CMIP: variants seen among roughly 807,000 people sequenced by gnomAD.
The protein encoded by CMIP is C-Maf-inducing protein.
In CMIP, 13 loss-of-function variants were observed where a neutral mutation model predicts 97.3. That is an observed-to-expected ratio of 0.13 (90% CI 0.09 to 0.21). The LOEUF is 0.21. Ranked by LOEUF, CMIP falls within the 10% of genes least tolerant of loss-of-function variation. The pLI, the probability that CMIP is intolerant of heterozygous loss-of-function variation, is 1.00. For missense variants in CMIP, 847 were observed against 1,024.9 expected, an observed-to-expected ratio of 0.83 and a Z score of 2.37; for synonymous variants, 538 against 436.3, an observed-to-expected ratio of 1.23 and a Z score of -2.91.
chr16:81,667,795 A>AGTGTGTGTGT (rs1201342935), intron 7 of CMIP, among the ~76,000 whole-genome samples: 9 of 68,090 alleles, frequency 1.3e-4, no homozygotes, highest in Admixed American at 3.1e-4. Flanking sequence ...AGAGAGAGAG[A>AGTGTGTGTGT]GAGAGTGTGT....
At chr16:81,600,975 C>T (rs903078951) in intron 1 of CMIP, among the ~76,000 whole-genome samples, 1 of 152,154 alleles carries the variant, frequency 6.6e-6, no homozygotes. Flanking sequence ...TCCTTCCTTA[C>T]AGTGGGGTGG....
chr16:81,456,351 A>G (rs1043880090), intron 1 of CMIP, among the ~76,000 whole-genome samples: 6 of 152,180 alleles, frequency 3.9e-5, no homozygotes, highest in Admixed American at 6.5e-5. Context: ...TGGAGACCTC[A>G]AGAGTTCAAG....
At chr16:81,661,519 C>T (rs887120596) in intron 6 of CMIP, among the ~76,000 whole-genome samples, 11 of 152,294 alleles carry the variant, frequency 7.2e-5, no homozygotes, top group Admixed American at 2.6e-4. Flanking sequence ...AATTTTATGT[C>T]CTTGGAGAGA....
rs67286788 is a variant in CMIP, at chr16:81,540,643, AGTGTGTGTGTGT to A, written c.301-66893_301-66882del. Among the ~76,000 whole-genome samples the A allele has an allele frequency of 8.2e-4, 117 of 141,978 alleles. 1 individual carries two copies. The highest frequency in any genetic ancestry group is 4.5e-3 in the South Asian group (19 of 4,260). 93.1% of individuals were successfully genotyped at this position (141,978 alleles called of 152,430 possible). A position where few individuals can be genotyped will look rare whatever the true frequency, so the allele number is the denominator to read the frequency against. On this transcript the variant is annotated intron_variant, in intron 1 of 20. Coordinates refer to ENST00000537098, the MANE Select transcript of CMIP (RefSeq NM_198390.3). ...AGCCAGTTAAATGTGTCTTGTTTTG[AGTGTGTGTGTGT>A]GTGTGTGTGTGTGTGTGTGTGTGTG...
intron 1 of CMIP, among the ~76,000 whole-genome samples, chr16:81,573,492 C>G (rs893907438): frequency 1.3e-5 from 2 of 152,178 alleles, no homozygotes; most frequent in African/African-American, 4.8e-5. Flanking sequence ...GAGAGGAATT[C>G]CACCTTTGGC....
At chr16:81,555,649 C>G (rs757296497) in intron 1 of CMIP, among the ~76,000 whole-genome samples, 3 of 152,168 alleles carry the variant, frequency 2.0e-5, no homozygotes, top group Non-Finnish European at 4.4e-5. Flanking sequence ...AGTGATGTGA[C>G]CAAGTCTGTG....
intron 1 of CMIP, among the ~76,000 whole-genome samples, chr16:81,482,859 G>T (rs2089248080): frequency 6.6e-6 from 1 of 152,248 alleles, no homozygotes; most frequent in Non-Finnish European, 1.5e-5. Context: ...GGTCAGCCCT[G>T]GGGTCAGCGA....
chr16:81,704,119 CCCT>C, intron 18 of CMIP, 34 bp downstream of exon 18: 1 of 1,582,222 alleles, frequency 6.3e-7, no homozygotes, highest in Non-Finnish European at 8.6e-7. Flanking sequence ...GTCCCCCACA[CCCT>C]CCTCCTTCAC....
intron 2 of CMIP, 111 bp from the exon 3 acceptor site, chr16:81,620,765 G>A (rs2091981708): frequency 1.6e-6 from 2 of 1,279,528 alleles, no homozygotes; most frequent in Non-Finnish European, 2.2e-6. Flanking sequence ...AGGGTCACAG[G>A]GCAGACGCTG....
chr16:81,655,842 C>T lies in CMIP; in HGVS notation c.640-1933C>T, dbSNP rs1212214241. ...GTCACTGCATCCCGTCAGTCTTAGGCAGCTGATCAGTCAATGGGATAGTAG... is the reference window on the plus strand; with the variant it reads ...GTCACTGCATCCCGTCAGTCTTAGGTAGCTGATCAGTCAATGGGATAGTAG... On this transcript the variant is annotated intron_variant, in intron 4 of 20. Coordinates refer to ENST00000537098, the MANE Select transcript of CMIP (RefSeq NM_198390.3). The surrounding 1 kb of genome is among the most constrained non-coding windows in gnomAD (Gnocchi z 4.9). 6.6e-6 allele frequency among the ~76,000 whole-genome samples: 1 copy of T among 152,120 alleles called. No homozygotes were observed. The highest frequency in any genetic ancestry group is 6.5e-5 in the Admixed American group (1 of 15,278).
chr16:81,557,254 G>A (rs35053137), intron 1 of CMIP, among the ~76,000 whole-genome samples: 4,531 of 152,284 alleles, frequency 0.03, 95 homozygotes, highest in Middle Eastern at 0.068. Context: ...GAAGGCCAAG[G>A]CCATGTCAAT....
intron 5 of CMIP, among the ~76,000 whole-genome samples, chr16:81,660,171 TTCAAGTTCAGAA>T (rs1331655222): frequency 6.6e-6 from 1 of 152,174 alleles, no homozygotes; most frequent in East Asian, 1.9e-4. Context: ...TGAATCTAGG[TTCAAGTTCAGAA>T]TCGAGTTCAG....
intron 1 of CMIP, among the ~76,000 whole-genome samples, chr16:81,547,972 A>G (rs2090580343): frequency 6.6e-6 from 1 of 152,170 alleles, no homozygotes; most frequent in African/African-American, 2.4e-5. Context: ...CCTCCTCTGC[A>G]GCACGCCGGC....
intron 1 of CMIP, among the ~76,000 whole-genome samples, chr16:81,534,972 A>G (rs1228693001): frequency 5.9e-5 from 9 of 152,032 alleles, no homozygotes; most frequent in Admixed American, 5.9e-4. Flanking sequence ...GTTTTTTGAG[A>G]CGGAGTCTTG....
At chr16:81,478,860 G>A (rs1007413668) in intron 1 of CMIP, among the ~76,000 whole-genome samples, 2 of 152,088 alleles carry the variant, frequency 1.3e-5, no homozygotes, top group Non-Finnish European at 2.9e-5. Context: ...CCTTCTTCTG[G>A]GTCTTTCTTC....
Position 81,701,784 on chromosome 16 carries a change from G to A in CMIP, c.1880G>A (p.Arg627Gln). The change falls in exon 16 of 21, where the codon CGG (arginine) becomes CAG (glutamine). Residue 627 changes from arginine to glutamine, a missense_variant. Arg to Gln is a conservative substitution (Grantham distance 43). Coordinates refer to ENST00000537098, the MANE Select transcript of CMIP (RefSeq NM_198390.3). Reference protein sequence around the residue: ...RMYEQLCDRQRELKELQRKGG... With the variant: ...RMYEQLCDRQQELKELQRKGG... ...TACGAGCAGCTGTGTGACCGGCAGC[G>A]GGAGCTGAAGGAGCTGGTGAGTCCC... 2.5e-6 allele frequency: 4 copies of A among 1,613,638 alleles called. No homozygotes were observed. Among genetic ancestry groups the A allele is most frequent in the Non-Finnish European group, 3.4e-6 (4 of 1,179,858 alleles).
At chr16:81,467,883 CTTT>C (rs754844403) in intron 1 of CMIP, among the ~76,000 whole-genome samples, 4 of 113,480 alleles carry the variant, frequency 3.5e-5, no homozygotes, top group African/African-American at 3.3e-5. Context: ...GCCTGGCCTT[CTTT>C]TTTTTTTTTT....
intron 10 of CMIP, among the ~76,000 whole-genome samples, chr16:81,689,107 G>A (rs980205741): frequency 1.2e-4 from 19 of 152,300 alleles, no homozygotes; most frequent in Middle Eastern, 3.4e-3. Context: ...GAATAGTGCT[G>A]CAATCAATAT....
chr16:81,621,095 TG>T lies in CMIP; in HGVS notation c.477+170del. 3.0e-6 allele frequency: 2 copies of T among 677,548 alleles called. No individual in the cohort carries two copies. The highest frequency in any genetic ancestry group is 5.0e-6 in the Non-Finnish European group (2 of 402,476). 42.0% of individuals were successfully genotyped at this position (677,548 alleles called of 1,614,324 possible). On this transcript the variant is annotated intron_variant, in intron 3 of 20. Coordinates refer to ENST00000537098, the MANE Select transcript of CMIP (RefSeq NM_198390.3). This position sits in a 1 kb window ranked among gnomAD's most constrained non-coding sequence, Gnocchi z 4.1. Reference sequence around the variant, plus strand: ...GAGCCCCTGGCCCTTCGTCCTCTGCTGTTCAATTCCTGTCCCCTGCAGTGCT... The same window carrying T: ...GAGCCCCTGGCCCTTCGTCCTCTGCTTTCAATTCCTGTCCCCTGCAGTGCT...
Sources: allele counts gnomAD v4.1 joint callset (sites outside exome capture counted in the v4.1 genomes callset), GRCh38; gene constraint gnomAD v4.1.1; non-coding constraint Gnocchi (gnomAD v3.1); transcripts MANE v1.5; gene names NCBI Gene and HGNC (gene_info 2026-07-23, HGNC 2026-07-21).